Variants in SDF4 observed in about 807,000 individuals in gnomAD.
The protein encoded by SDF4 is 45 kDa calcium-binding protein.
Under a neutral mutation model 34.2 loss-of-function variants are expected in SDF4, and 22 were observed. The ratio of observed to expected loss-of-function variants is 0.64; its 90% CI spans 0.46 to 0.92. The LOEUF is 0.92. Ranked by LOEUF, SDF4 falls within the 40% of genes least tolerant of loss-of-function variation. The probability of loss-of-function intolerance (pLI) is 0.00; values close to 1 mark genes in which losing one functional copy is unlikely to be tolerated. For synonymous variants in SDF4, 236 were observed against 203.1 expected (o/e 1.16, Z -1.38); for missense variants, 447 against 499.9 (o/e 0.89, Z 1.01).
In SDF4 at chr1:1,219,857, C is replaced by T. The variant is rs367631583; in HGVS notation, c.557-930G>A. 3.7e-4 allele frequency: 361 copies of T among 985,884 alleles called. 2 individuals carry two copies. In the Middle Eastern group the frequency reaches 4.2e-3, roughly 11 times the overall value. The allele number at this position is 985,884 out of a possible 1,614,324, so 61.1% of individuals were successfully genotyped here. The stretch of plus-strand genomic sequence containing the variant: ...CTGGCCGAAGCCCCTGCCACAAGCC[C>T]GGCAGCCTCTGCGTCGCGCTCACTG... On this transcript the variant is annotated intron_variant, in intron 4 of 6. Transcript: ENST00000360001.
Position 1,217,325 on chromosome 1 carries a change from G to C in SDF4, c.*187C>G. 1 of 336,114 alleles carries C rather than the reference G, an allele frequency of 3.0e-6. No homozygotes were observed. The highest frequency in any genetic ancestry group is 4.9e-6 in the Non-Finnish European group (1 of 205,838). 20.8% of individuals were successfully genotyped at this position (336,114 alleles called of 1,614,324 possible). Reference sequence around the variant, plus strand: ...AGCCCCGCGCCCCGACCGCGTCACAGCCAAAGCCCCGCCGGGGTGCGCGCT... The same window carrying C: ...AGCCCCGCGCCCCGACCGCGTCACACCCAAAGCCCCGCCGGGGTGCGCGCT... On this transcript the variant is annotated 3_prime_UTR_variant, in exon 7 of 7. Coordinates refer to ENST00000360001, the MANE Select transcript of SDF4 (RefSeq NM_016176.6). This position sits in a 1 kb window ranked among gnomAD's most constrained non-coding sequence, Gnocchi z 8.5.
chr1:1,226,594 G>A (rs1243594541), intron 2 of SDF4, among the ~76,000 whole-genome samples: 1 of 151,834 alleles, frequency 6.6e-6, no homozygotes, highest in Non-Finnish European at 1.5e-5. Context: ...GCCCTACGCA[G>A]GAGAAGGGCG....
At chr1:1,220,939 A>C in intron 4 of SDF4, 2 of 368,490 alleles carry the variant, frequency 5.4e-6, no homozygotes, top group Non-Finnish European at 1.0e-5. Flanking sequence ...AATGTAAACC[A>C]CTCTTTTGGA....
chr1:1,219,848 C>A (rs1649811765), intron 4 of SDF4: 8 of 985,896 alleles, frequency 8.1e-6, no homozygotes, highest in Non-Finnish European at 9.6e-6. Flanking sequence ...GAAGCCCCTG[C>A]CACAAGCCCG....
intron 4 of SDF4, 87 bp from the exon 5 acceptor site, chr1:1,219,014 G>C (rs1361004180): frequency 6.2e-7 from 1 of 1,611,092 alleles, no homozygotes; most frequent in Non-Finnish European, 8.5e-7. Context: ...GCCTGAACTC[G>C]AGGGACACAG....
intron 4 of SDF4, chr1:1,220,964 G>A (rs146211715): frequency 3.9e-5 from 14 of 361,886 alleles, no homozygotes; most frequent in South Asian, 1.1e-4. Flanking sequence ...AAGTAATAAC[G>A]TCCAATTTGG....
chr1:1,226,636 A>G (rs1440614287), intron 2 of SDF4, among the ~76,000 whole-genome samples: 5 of 152,136 alleles, frequency 3.3e-5, no homozygotes, highest in Non-Finnish European at 7.4e-5. Flanking sequence ...AGGGAAGTCT[A>G]AACACCCACA....
intron 4 of SDF4, chr1:1,220,444 C>T (rs181453948): frequency 5.9e-5 from 70 of 1,186,514 alleles, no homozygotes; most frequent in African/African-American, 5.4e-4. Context: ...GGTGGGAGGT[C>T]GCAGGAGTGA....
intron 4 of SDF4, chr1:1,220,559 G>A: frequency 7.9e-7 from 1 of 1,265,914 alleles, no homozygotes; most frequent in South Asian, 1.3e-5. Context: ...GGCACCCTGA[G>A]GTCGGGGAGG....
rs368032983 is a variant in SDF4, at chr1:1,217,696, C to T, written c.892-8G>A. 53 of 1,613,410 alleles carry T rather than the reference C, an allele frequency of 3.3e-5. 2 individuals are homozygous for T. In the South Asian group the frequency reaches 4.0e-4, roughly 12 times the overall value. ...CATGGGGTCCATGTAGCTCTGCGGG[C>T]GAGCGGGGCACAGGTCAGCGTCGCC... On this transcript the variant is annotated splice_polypyrimidine_tract_variant and splice_region_variant and intron_variant, in intron 6 of 6. Transcript: ENST00000360001. This position sits in a 1 kb window ranked among gnomAD's most constrained non-coding sequence, Gnocchi z 8.5.
chr1:1,223,106 G>T, intron 4 of SDF4, 138 bp downstream of exon 4: 1 of 657,922 alleles, frequency 1.5e-6, no homozygotes, highest in East Asian at 2.8e-5. Context: ...TCGTACACAC[G>T]GCACGCACAC....
intron 4 of SDF4, 132 bp downstream of exon 4, chr1:1,223,099 TACACACGGCACGC>T: frequency 1.5e-6 from 1 of 652,402 alleles, no homozygotes. Flanking sequence ...AGCACACTCG[TACACACGGCACGC>T]ACACACGTAC....
chr1:1,222,184 G>A (rs75124586), intron 4 of SDF4, among the ~76,000 whole-genome samples: 17,428 of 152,252 alleles, frequency 0.11, 1,136 homozygotes, highest in East Asian at 0.17. Context: ...TCTCCTCAAA[G>A]CCCCAAACCA....
chr1:1,217,358 G>C lies in SDF4; in HGVS notation c.*154C>G. 1.9e-6 allele frequency: 1 copy of C among 526,158 alleles called. No individual in the cohort carries two copies. The highest frequency in any genetic ancestry group is 2.8e-6 in the Non-Finnish European group (1 of 357,642). The allele number at this position is 526,158 out of a possible 1,614,324, so 32.6% of individuals were successfully genotyped here. A position where few individuals can be genotyped will look rare whatever the true frequency, so the allele number is the denominator to read the frequency against. Reference sequence around the variant, plus strand: ...CCCGCCGGGGTGCGCGCTGCAGAGGGGACACGCCGCTCATCAACTGGGGCA... The same window carrying C: ...CCCGCCGGGGTGCGCGCTGCAGAGGCGACACGCCGCTCATCAACTGGGGCA... On this transcript the variant is annotated 3_prime_UTR_variant, in exon 7 of 7. Coordinates refer to ENST00000360001, the MANE Select transcript of SDF4 (RefSeq NM_016176.6). The surrounding 1 kb of genome is among the most constrained non-coding windows in gnomAD (Gnocchi z 8.5).
chr1:1,228,201 G>A (rs1213315806), intron 2 of SDF4, among the ~76,000 whole-genome samples: 1 of 152,238 alleles, frequency 6.6e-6, no homozygotes. Flanking sequence ...GCTCCTCCAG[G>A]CTGTCCTAGG....
At chr1:1,221,345 A>G (rs1649945702) in intron 4 of SDF4, 1 of 154,660 alleles carries the variant, frequency 6.5e-6, no homozygotes, top group Non-Finnish European at 1.4e-5. Context: ...ACCCTCTGAA[A>G]TCCAAGAGTT....
chr1:1,228,521 A>G lies in SDF4; in HGVS notation c.252T>C (p.Asp84=), dbSNP rs759753144. The G allele has an allele frequency of 1.2e-6, 2 of 1,612,586 alleles. No homozygotes were observed. Among genetic ancestry groups the G allele is most frequent in the African/African-American group, 1.3e-5 (1 of 74,946 alleles). ...GGCTCCGCCGCGGCTCCGCGTCCTC[A>G]TCAAAGCCACCCAGGTCCTTGCCTA... The part of the protein sequence containing the change: ...VFLGKDLGGF[D]EDAEPRRSRR... The change falls in exon 2 of 7, where the codon GAT becomes GAC. Residue 84 remains aspartate (D), a synonymous_variant. Coordinates refer to ENST00000360001, the MANE Select transcript of SDF4 (RefSeq NM_016176.6).
intron 2 of SDF4, among the ~76,000 whole-genome samples, chr1:1,225,008 G>A (rs944956781): frequency 6.6e-6 from 1 of 152,202 alleles, no homozygotes; most frequent in Non-Finnish European, 1.5e-5. Flanking sequence ...AAGGATGGAA[G>A]AGACCACAGA....
chr1:1,220,696 AT>A, intron 4 of SDF4: 1 of 1,289,222 alleles, frequency 7.8e-7, no homozygotes, highest in Non-Finnish European at 1.0e-6. Flanking sequence ...CTTCACAGAA[AT>A]GTCACAGAGC....
Sources: gnomAD v4.1 joint callset for allele counts (sites outside exome capture counted in the v4.1 genomes callset) on GRCh38, gnomAD v4.1.1 for gene constraint, Gnocchi (gnomAD v3.1) non-coding constraint, MANE v1.5 for transcripts, NCBI Gene and HGNC (gene_info 2026-07-23, HGNC 2026-07-21) for gene names.